TLN2: variants seen among roughly 807,000 people sequenced by gnomAD.
TLN2 encodes the protein talin-2.
A neutral mutation model predicts 294.7 loss-of-function variants in TLN2; 118 were observed. The ratio of observed to expected loss-of-function variants is 0.40; its 90% CI spans 0.34 to 0.47. The LOEUF (loss-of-function observed/expected upper bound fraction) is 0.47. TLN2 is among the 20% of genes least tolerant of loss of function. TLN2 has a pLI of 0.84. For missense variants in TLN2, 3,083 were observed against 3,282.2 expected (o/e 0.94, Z 1.48); for synonymous variants, 1,431 against 1,304.5 (o/e 1.10, Z -2.09).
intron 48 of TLN2, among the ~76,000 whole-genome samples, chr15:62,799,034 A>C (rs969253930): frequency 1.3e-5 from 2 of 152,212 alleles, no homozygotes; most frequent in African/African-American, 4.8e-5. Flanking sequence ...ATACGTTGTC[A>C]CATCTGAGAT....
intron 1 of TLN2, among the ~76,000 whole-genome samples, chr15:62,518,658 C>T (rs540817453): frequency 2.6e-5 from 4 of 152,064 alleles, no homozygotes; most frequent in East Asian, 1.9e-4. Context: ...AGTGCAGTGG[C>T]GCGATCTTGG....
Position 62,761,828 on chromosome 15 carries a change from A to C in TLN2, c.4779+7A>C, listed in dbSNP as rs1567548253. On this transcript the variant is annotated splice_region_variant and intron_variant, in intron 38 of 58. Transcript: ENST00000636159. The stretch of plus-strand genomic sequence containing the variant: ...TGCCCAGATCAGCTCCGAGGTAGGG[A>C]GTGTTTACAGGAACATCATACTAAG... 6.2e-7 allele frequency: 1 copy of C among 1,613,992 alleles called. No homozygotes were observed.
At chr15:62,519,463 A>G (rs1323556831) in intron 1 of TLN2, among the ~76,000 whole-genome samples, 3 of 152,206 alleles carry the variant, frequency 2.0e-5, no homozygotes, top group Admixed American at 6.5e-5. Flanking sequence ...TGCCTTTTCA[A>G]TGTAAATTAT....
intron 3 of TLN2, among the ~76,000 whole-genome samples, chr15:62,629,206 A>G (rs1285060242): frequency 6.6e-6 from 1 of 152,218 alleles, no homozygotes; most frequent in Non-Finnish European, 1.5e-5. Context: ...AATAAAAAAT[A>G]AAAAAGGAAA....
chr15:62,505,918 T>C (rs970776446), intron 1 of TLN2, among the ~76,000 whole-genome samples: 4 of 152,208 alleles, frequency 2.6e-5, no homozygotes, highest in African/African-American at 9.7e-5. Context: ...CCTCCATGAC[T>C]TGAGGCTAGT....
intron 54 of TLN2, chr15:62,829,727 A>C (rs991229817): frequency 6.6e-6 from 1 of 152,208 alleles, no homozygotes; most frequent in African/African-American, 2.4e-5. Context: ...TTGTGCTGTC[A>C]CATGTAGTAG....
At chr15:62,776,577 T>G (rs2063733503) in intron 42 of TLN2, among the ~76,000 whole-genome samples, 187 bp from the exon 43 acceptor site, 1 of 152,196 alleles carries the variant, frequency 6.6e-6, no homozygotes, top group South Asian at 2.1e-4. Flanking sequence ...TCTTTTTCTA[T>G]TTGTCTTTCT....
chr15:62,842,262 A>G lies in TLN2; in HGVS notation c.*1652A>G, dbSNP rs2070784028. 1 of 152,148 alleles carries G rather than the reference A, an allele frequency of 6.6e-6. No homozygotes were observed. The allele number at this position is 152,148 out of a possible 1,614,324, so 9.4% of individuals were successfully genotyped here. Reference sequence around the variant, plus strand: ...AGACGCTGTAAAGGAAAAGCAAGTGAGAGTATGTGTAGGACACTGACAGTG... The same window carrying G: ...AGACGCTGTAAAGGAAAAGCAAGTGGGAGTATGTGTAGGACACTGACAGTG... On this transcript the variant is annotated 3_prime_UTR_variant, in exon 59 of 59. Coordinates refer to ENST00000636159, the MANE Select transcript of TLN2 (RefSeq NM_015059.3).
intron 3 of TLN2, among the ~76,000 whole-genome samples, chr15:62,632,541 G>A (rs1749667687): frequency 6.6e-6 from 1 of 152,206 alleles, no homozygotes; most frequent in African/African-American, 2.4e-5. Flanking sequence ...GGCAGCAGCT[G>A]ATCTACTACA....
intron 47 of TLN2, 117 bp downstream of exon 47, chr15:62,796,410 A>G (rs2065480837): frequency 1.6e-6 from 2 of 1,232,478 alleles, no homozygotes; most frequent in African/African-American, 1.5e-5. Flanking sequence ...GATTTCAACA[A>G]GATGCACAAG....
At chr15:62,668,295 T>A (rs1256216137) in intron 9 of TLN2, among the ~76,000 whole-genome samples, 1 of 152,218 alleles carries the variant, frequency 6.6e-6, no homozygotes, top group African/African-American at 2.4e-5. Flanking sequence ...TAGAAATTCC[T>A]TCACTATATA....
chr15:62,605,639 C>A (rs200901221), intron 2 of TLN2, among the ~76,000 whole-genome samples: 4 of 152,090 alleles, frequency 2.6e-5, no homozygotes, highest in Non-Finnish European at 4.4e-5. Context: ...GCTCAGAACA[C>A]ACGCCTCCTC....
chr15:62,741,138 C>T (rs1191833214), intron 32 of TLN2, among the ~76,000 whole-genome samples: 2 of 152,006 alleles, frequency 1.3e-5, no homozygotes, highest in Admixed American at 6.5e-5. Flanking sequence ...TACTGAAAAG[C>T]GTAAAGATGA....
At chr15:62,610,066 G>A (rs972318343) in intron 2 of TLN2, among the ~76,000 whole-genome samples, 2 of 152,180 alleles carry the variant, frequency 1.3e-5, no homozygotes, top group African/African-American at 4.8e-5. Context: ...TCCAGACTTA[G>A]GAGGGGGTGC....
intron 54 of TLN2, among the ~76,000 whole-genome samples, chr15:62,827,206 T>C (rs1386593798): frequency 1.3e-5 from 2 of 152,006 alleles, no homozygotes; most frequent in Non-Finnish European, 2.9e-5. Flanking sequence ...AAAAAGACCA[T>C]GGGAGGACAT....
intron 1 of TLN2, among the ~76,000 whole-genome samples, chr15:62,413,861 G>A (rs913220332): frequency 1.3e-5 from 2 of 152,108 alleles, no homozygotes; most frequent in African/African-American, 4.8e-5. Context: ...ATTACACATT[G>A]TCTTGGTTAA....
chr15:62,647,684 G>A (rs1224089186), intron 4 of TLN2, among the ~76,000 whole-genome samples: 2 of 152,142 alleles, frequency 1.3e-5, no homozygotes, highest in Non-Finnish European at 2.9e-5. Flanking sequence ...TCCCATGCAT[G>A]AGGATTATGC....
At chr15:62,446,262 G>A (rs1017838173) in intron 1 of TLN2, among the ~76,000 whole-genome samples, 1 of 152,110 alleles carries the variant, frequency 6.6e-6, no homozygotes, top group African/African-American at 2.4e-5. Flanking sequence ...CAAAGTGCTG[G>A]GATCACAGGT....
At chr15:62,674,843 A>G (rs1053025027) in intron 10 of TLN2, among the ~76,000 whole-genome samples, 4 of 152,198 alleles carry the variant, frequency 2.6e-5, no homozygotes, top group Non-Finnish European at 5.9e-5. Flanking sequence ...CTCTCCTGAT[A>G]AGAACTTTTT....
Sources: allele counts gnomAD v4.1 joint callset (sites outside exome capture counted in the v4.1 genomes callset), GRCh38; gene constraint gnomAD v4.1.1; transcripts MANE v1.5; gene names NCBI Gene and HGNC (gene_info 2026-07-23, HGNC 2026-07-21).